Variants in KCNQ2 observed in about 807,000 individuals in gnomAD.
The protein encoded by KCNQ2 is potassium voltage-gated channel subfamily Q member 2.
In KCNQ2, 14 loss-of-function variants were observed where a neutral mutation model predicts 84.8. The ratio of observed to expected loss-of-function variants is 0.17; its 90% confidence interval spans 0.11 to 0.26. The LOEUF is 0.26. KCNQ2 is among the 10% of genes least tolerant of loss of function. KCNQ2 has a pLI of 1.00. For missense variants in KCNQ2, 788 were observed against 1,254.0 expected (o/e 0.63, Z 5.61); for synonymous variants, 599 against 554.1 (o/e 1.08, Z -1.14).
intron 1 of KCNQ2, among the ~76,000 whole-genome samples, 192 bp from the exon 2 acceptor site, chr20:63,447,029 C>A (rs879353353): frequency 1.3e-5 from 2 of 151,794 alleles, no homozygotes; most frequent in Non-Finnish European, 2.9e-5. Context: ...ACCCCCATAG[C>A]CACCTCCCGG....
chr20:63,431,667 C>T (rs1263497103), intron 8 of KCNQ2, among the ~76,000 whole-genome samples: 4 of 152,080 alleles, frequency 2.6e-5, no homozygotes, highest in Non-Finnish European at 4.4e-5. Flanking sequence ...CCCCAGAGGG[C>T]GACTGCAAAC....
chr20:63,456,162 C>T (rs1304490987), intron 1 of KCNQ2, among the ~76,000 whole-genome samples: 2 of 150,180 alleles, frequency 1.3e-5, no homozygotes, highest in African/African-American at 4.9e-5. Context: ...TCCGGGAGAC[C>T]CCTCTGCTCA....
chr20:63,403,892 C>T lies in KCNQ2; in HGVS notation c.*2752G>A, dbSNP rs1421530993. 6.6e-6 allele frequency: 1 copy of T among 152,288 alleles called. No individual in the cohort carries two copies. Among genetic ancestry groups the T allele is most frequent in the Non-Finnish European group, 1.5e-5 (1 of 68,080 alleles). 9.4% of individuals were successfully genotyped at this position (152,288 alleles called of 1,614,324 possible). A position where few individuals can be genotyped will look rare whatever the true frequency, so the allele number is the denominator to read the frequency against. ...GACACCCGAGGCAGCGCCGCACCACCTCCAGCCTCCTTCCCGCTGCACTTC... is the reference window on the plus strand; with the variant it reads ...GACACCCGAGGCAGCGCCGCACCACTTCCAGCCTCCTTCCCGCTGCACTTC... On this transcript the variant is annotated 3_prime_UTR_variant, in exon 17 of 17. Transcript: ENST00000359125.
In KCNQ2 at chr20:63,438,800, C is replaced by A. The variant is rs924505124; in HGVS notation, c.928-80G>T. ...TCAGGGTCAGACCATGCTCTGGGGC[C>A]CCACACCCCCCCCAATTCATCAGGG... On this transcript the variant is annotated intron_variant, in intron 6 of 16. Transcript: ENST00000359125. The surrounding 1 kb of genome is among the most constrained non-coding windows in gnomAD (Gnocchi z 5.1). 6 of 1,089,246 alleles carry A rather than the reference C, an allele frequency of 5.5e-6. No homozygotes were observed. The highest frequency in any genetic ancestry group is 1.6e-5 in the African/African-American group (1 of 64,058). 67.5% of individuals were successfully genotyped at this position (1,089,246 alleles called of 1,614,324 possible).
chr20:63,413,888 C>T (rs1446628674), intron 14 of KCNQ2, among the ~76,000 whole-genome samples, 200 bp downstream of exon 14: 3 of 152,226 alleles, frequency 2.0e-5, no homozygotes, highest in Non-Finnish European at 2.9e-5. Context: ...CGGCATCCCA[C>T]CCGAAACCCG....
intron 1 of KCNQ2, among the ~76,000 whole-genome samples, chr20:63,449,669 G>C (rs1006592427): frequency 6.6e-6 from 1 of 150,674 alleles, no homozygotes; most frequent in Admixed American, 6.5e-5. Context: ...ACTCACCAAA[G>C]GCCGAGCTCC....
chr20:63,426,259 G>C (rs2080632269), intron 10 of KCNQ2, among the ~76,000 whole-genome samples: 2 of 152,336 alleles, frequency 1.3e-5, no homozygotes, highest in Admixed American at 1.3e-4. Flanking sequence ...TAGACAAGAG[G>C]CCCCTCTGCA....
intron 1 of KCNQ2, among the ~76,000 whole-genome samples, chr20:63,464,091 CA>C (rs1359057125): frequency 1.3e-5 from 2 of 152,152 alleles, no homozygotes; most frequent in Admixed American, 6.5e-5. Flanking sequence ...GCTGGGTAGG[CA>C]GCAGAGCCTA....
chr20:63,457,674 C>T (rs1356510651), intron 1 of KCNQ2, among the ~76,000 whole-genome samples: 3 of 152,228 alleles, frequency 2.0e-5, no homozygotes, highest in African/African-American at 4.8e-5. Flanking sequence ...CCCACCTGCA[C>T]GTTGCTCCCT....
intron 1 of KCNQ2, chr20:63,449,352 G>T (rs1479961996): frequency 1.3e-5 from 2 of 152,264 alleles, no homozygotes; most frequent in African/African-American, 4.8e-5. Context: ...CCTGCTGCGA[G>T]CCCACGCCTG....
chr20:63,419,767 G>A, intron 11 of KCNQ2, 95 bp from the exon 12 acceptor site: 1 of 1,119,438 alleles, frequency 8.9e-7, no homozygotes, highest in Non-Finnish European at 1.3e-6. Flanking sequence ...CCAGGGTGTT[G>A]TGTGCAGTCC....
rs756563523 is a variant in KCNQ2, at chr20:63,407,066, C to T, written c.2197G>A (p.Val733Met). ...CGCACCAGGGAGCCGTGGTCCCCCACGGGGGAGGTGCCGTGGCCCTGGCGC... is the reference window on the plus strand; with the variant it reads ...CGCACCAGGGAGCCGTGGTCCCCCATGGGGGAGGTGCCGTGGCCCTGGCGC... ...HPRQGHGTSPVGDHGSLVRIP... is the reference protein window; with the variant it reads ...HPRQGHGTSPMGDHGSLVRIP... Residue 733 changes from valine to methionine, a missense_variant, in exon 17 of 17, where the codon GTG becomes ATG. Val to Met is a conservative substitution (Grantham distance 21, BLOSUM62 1). Coordinates refer to ENST00000359125, the MANE Select transcript of KCNQ2 (RefSeq NM_172107.4). This position sits in a 1 kb window ranked among gnomAD's most constrained non-coding sequence, Gnocchi z 7.2. 9 of 1,524,170 alleles carry T rather than the reference C, an allele frequency of 5.9e-6. No individual in the cohort carries two copies. Among genetic ancestry groups the T allele is most frequent in the East Asian group, 4.9e-5 (2 of 40,862 alleles). The allele number at this position is 1,524,170 out of a possible 1,614,324, so 94.4% of individuals were successfully genotyped here.
rs2082233183 is a variant in KCNQ2 at position 63,472,185 on chromosome 20, G to A, written c.279C>T (p.Phe93=). The A allele has an allele frequency of 6.5e-6, 10 of 1,532,862 alleles. No homozygotes were observed. Among genetic ancestry groups the A allele is most frequent in the East Asian group, 2.6e-5 (1 of 38,260 alleles). The allele number at this position is 1,532,862 out of a possible 1,614,324, so 95.0% of individuals were successfully genotyped here. The change falls in exon 1 of 17, where the codon TTC becomes TTT. Residue 93 remains phenylalanine, a synonymous_variant. Coordinates refer to ENST00000359125, the MANE Select transcript of KCNQ2 (RefSeq NM_172107.4). ...NVLERPRGWA[F]IYHAYVFLLV... ...CCACTCACACGTAGGCGTGGTAGAT[G>A]AACGCCCAGCCGCGCGGCCGCTCCA...
intron 5 of KCNQ2, among the ~76,000 whole-genome samples, chr20:63,441,339 A>G (rs2081156634): frequency 6.6e-6 from 1 of 151,830 alleles, no homozygotes; most frequent in African/African-American, 2.4e-5. Context: ...TTTGCTATTT[A>G]AGACTAATCA....
At chr20:63,459,220 C>T (rs1250384776) in intron 1 of KCNQ2, 2 of 152,294 alleles carry the variant, frequency 1.3e-5, no homozygotes, top group Admixed American at 6.5e-5. Flanking sequence ...TTACACGAAA[C>T]ATCCGAAGCA....
In KCNQ2 at chr20:63,405,875, G is replaced by C. The variant is rs1220889327; in HGVS notation, c.*769C>G. ...AAGACCCTTTGGAGCCGGCTCCCTG[G>C]CCCCACCGTGAGCCAGGCCCTCCCT... On this transcript the variant is annotated 3_prime_UTR_variant, in exon 17 of 17. Coordinates refer to ENST00000359125, the MANE Select transcript of KCNQ2 (RefSeq NM_172107.4). 6.6e-6 allele frequency: 1 copy of C among 152,154 alleles called. No homozygotes were observed. The highest frequency in any genetic ancestry group is 1.5e-5 in the Non-Finnish European group (1 of 68,064). The allele number at this position is 152,154 out of a possible 1,614,324, so 9.4% of individuals were successfully genotyped here.
intron 8 of KCNQ2, among the ~76,000 whole-genome samples, chr20:63,432,650 GGAAGGATCCACCCACAGA>G (rs2145669611): frequency 2.0e-5 from 3 of 148,946 alleles, no homozygotes; most frequent in South Asian, 2.1e-4. Context: ...CCACCCTCAG[GGAAGGATCCACCCACAGA>G]GAAGGCCCCA....
At position 63,406,630 on chromosome 20, in the gene KCNQ2, G is replaced by A; in HGVS notation, c.*14C>T. On this transcript the variant is annotated 3_prime_UTR_variant, in exon 17 of 17. Transcript: ENST00000359125. ...GAGGAGGGCCGCGGGCGGGTCCACTGGCCCAGCGCCGCCTCACTTCCTGGG... is the reference window on the plus strand; with the variant it reads ...GAGGAGGGCCGCGGGCGGGTCCACTAGCCCAGCGCCGCCTCACTTCCTGGG... 6.3e-7 allele frequency: 1 copy of A among 1,582,324 alleles called. No individual in the cohort carries two copies. The highest frequency in any genetic ancestry group is 1.1e-5 in the South Asian group (1 of 89,040).
intron 1 of KCNQ2, among the ~76,000 whole-genome samples, chr20:63,454,774 C>G (rs2081727770): frequency 6.6e-6 from 1 of 152,204 alleles, no homozygotes; most frequent in Non-Finnish European, 1.5e-5. Flanking sequence ...CCCCAGGCCT[C>G]GGGAGAGGAG....
Sources: allele counts gnomAD v4.1 joint callset (sites outside exome capture counted in the v4.1 genomes callset), GRCh38; gene constraint gnomAD v4.1.1; non-coding constraint Gnocchi (gnomAD v3.1); transcripts MANE v1.5; gene names NCBI Gene and HGNC (gene_info 2026-07-23, HGNC 2026-07-21).